Variants in MYO3A observed in about 807,000 individuals in gnomAD.
MYO3A encodes the protein myosin-IIIa.
In MYO3A, 180 loss-of-function variants were observed where a neutral mutation model predicts 192.7. The ratio of observed to expected loss-of-function variants is 0.93; its 90% CI spans 0.83 to 1.06. MYO3A has a LOEUF of 1.06. Among genes scored for constraint, MYO3A ranks in the 50% least tolerant of loss-of-function variants. MYO3A has a pLI of 0.00. For synonymous variants in MYO3A, 628 were observed against 645.3 expected, an observed-to-expected ratio of 0.97 and a Z score of 0.41; for missense variants, 1,896 against 1,905.0, an observed-to-expected ratio of 1.00 and a Z score of 0.09.
chr10:26,020,183 C>T (rs1429441572), intron 7 of MYO3A, among the ~76,000 whole-genome samples: 1 of 152,134 alleles, frequency 6.6e-6, no homozygotes, highest in Non-Finnish European at 1.5e-5. Flanking sequence ...AGAATATTAC[C>T]AATAGCATGC....
At chr10:26,182,961 GGT>G (rs35345606) in intron 31 of MYO3A, among the ~76,000 whole-genome samples, 49,766 of 151,946 alleles carry the variant, frequency 0.33, 8,375 homozygotes, top group Middle Eastern at 0.43. Flanking sequence ...TGACCAGGCA[GGT>G]GTGTGTGTAA....
At chr10:25,969,738 T>C (rs2130720058) in intron 4 of MYO3A, among the ~76,000 whole-genome samples, 1 of 152,276 alleles carries the variant, frequency 6.6e-6, no homozygotes, top group Admixed American at 6.5e-5. Flanking sequence ...ACATTAAGTG[T>C]ATATGATTTA....
chr10:25,985,057 G>C (rs773823851), intron 4 of MYO3A, among the ~76,000 whole-genome samples: 1 of 152,012 alleles, frequency 6.6e-6, no homozygotes, highest in Admixed American at 6.6e-5. Context: ...GGGCAACACA[G>C]TGAAACCACG....
At chr10:25,948,094 A>G (rs1193754027) in intron 2 of MYO3A, among the ~76,000 whole-genome samples, 4 of 152,156 alleles carry the variant, frequency 2.6e-5, no homozygotes, top group Admixed American at 2.0e-4. Flanking sequence ...TGGCTGATGT[A>G]AGACTTGAAG....
At chr10:26,036,985 C>T (rs1244541927) in intron 10 of MYO3A, among the ~76,000 whole-genome samples, 1 of 152,220 alleles carries the variant, frequency 6.6e-6, no homozygotes, top group Non-Finnish European at 1.5e-5. Context: ...CAGTTAGACA[C>T]ACCTGGGATA....
chr10:25,957,903 C>CTGTTCATTT (rs1837660952), intron 4 of MYO3A, among the ~76,000 whole-genome samples: 1 of 152,082 alleles, frequency 6.6e-6, no homozygotes, highest in African/African-American at 2.4e-5. Flanking sequence ...TGAAAAGTAT[C>CTGTTCATTT]TGTTCATTTT....
At chr10:25,993,088 A>G (rs1405277814) in intron 4 of MYO3A, among the ~76,000 whole-genome samples, 1 of 152,186 alleles carries the variant, frequency 6.6e-6, no homozygotes, top group Non-Finnish European at 1.5e-5. Flanking sequence ...GAATGGTACC[A>G]GTTCCTCCTT....
Position 25,991,313 on chromosome 10 carries a change from T to G in MYO3A, c.304-5177T>G, listed in dbSNP as rs1054582300. On this transcript the variant is annotated intron_variant, in intron 4 of 34. Coordinates refer to ENST00000642920, the MANE Select transcript of MYO3A (RefSeq NM_017433.5). ...TCTGTTGGCTGCATAAACGTCTTCTTTTGAGAAATGTCTGTTCATATCCTT... is the reference window on the plus strand; with the variant it reads ...TCTGTTGGCTGCATAAACGTCTTCTGTTGAGAAATGTCTGTTCATATCCTT... Among the ~76,000 whole-genome samples, 23 of 152,350 alleles carry G rather than the reference T, an allele frequency of 1.5e-4. 1 individual carries two copies. The Middle Eastern group carries it at 0.01, about 68-fold the overall frequency.
intron 14 of MYO3A, among the ~76,000 whole-genome samples, chr10:26,071,688 A>G (rs1242637480): frequency 6.6e-6 from 1 of 152,224 alleles, no homozygotes; most frequent in Non-Finnish European, 1.5e-5. Flanking sequence ...TGAAATGACA[A>G]TTTAAAAACA....
At chr10:26,017,658 G>A (rs1842056564) in intron 7 of MYO3A, among the ~76,000 whole-genome samples, 1 of 151,670 alleles carries the variant, frequency 6.6e-6, no homozygotes, top group African/African-American at 2.4e-5. Flanking sequence ...TTGAATACTT[G>A]TTTAATTATT....
At chr10:26,179,212 C>T (rs2132069669) in intron 31 of MYO3A, among the ~76,000 whole-genome samples, 1 of 146,630 alleles carries the variant, frequency 6.8e-6, no homozygotes, top group African/African-American at 2.5e-5. Flanking sequence ...GATTCTCCTG[C>T]CTCAGCCTCC....
intron 30 of MYO3A, among the ~76,000 whole-genome samples, chr10:26,175,469 C>T (rs559339848): frequency 6.6e-6 from 1 of 152,290 alleles, no homozygotes; most frequent in South Asian, 2.1e-4. Context: ...AAAGAAATAT[C>T]ATAATGGGTT....
At chr10:26,001,413 T>A (rs905003649) in intron 6 of MYO3A, among the ~76,000 whole-genome samples, 1 of 152,150 alleles carries the variant, frequency 6.6e-6, no homozygotes, top group African/African-American at 2.4e-5. Flanking sequence ...ACTGGGCAGA[T>A]CCCCTGGGCC....
chr10:26,107,451 A>C (rs1412931293), intron 17 of MYO3A, among the ~76,000 whole-genome samples: 1 of 149,608 alleles, frequency 6.7e-6, no homozygotes, highest in African/African-American at 2.5e-5. Context: ...ATTGCACTCC[A>C]GCCTGGGCGA....
At chr10:26,159,631 G>A (rs1184966976) in intron 26 of MYO3A, among the ~76,000 whole-genome samples, 1 of 152,030 alleles carries the variant, frequency 6.6e-6, no homozygotes, top group Admixed American at 6.6e-5. Flanking sequence ...CGCCAGCCTC[G>A]GCCTCCCAAA....
At chr10:26,046,076 G>A (rs1843624378) in intron 10 of MYO3A, among the ~76,000 whole-genome samples, 2 of 152,122 alleles carry the variant, frequency 1.3e-5, no homozygotes, top group South Asian at 2.1e-4. Context: ...ACCAGTAAGT[G>A]TAAGCAAGCG....
chr10:26,012,816 A>G (rs920114389), intron 6 of MYO3A, among the ~76,000 whole-genome samples: 2 of 152,070 alleles, frequency 1.3e-5, no homozygotes, highest in Non-Finnish European at 2.9e-5. Context: ...ACAATACAAA[A>G]AAACTGAACA....
At chr10:26,047,589 C>T (rs1233481763) in intron 10 of MYO3A, among the ~76,000 whole-genome samples, 6 of 151,714 alleles carry the variant, frequency 4.0e-5, no homozygotes, top group South Asian at 4.2e-4. Context: ...CTGGCTAACA[C>T]GGTGAAACCC....
chr10:26,074,408 C>G (rs1020158924), intron 14 of MYO3A, among the ~76,000 whole-genome samples: 5 of 151,690 alleles, frequency 3.3e-5, no homozygotes, highest in Non-Finnish European at 5.9e-5. Flanking sequence ...TATTAAAAAC[C>G]CATTCTTTCC....
Sources: gnomAD v4.1 joint callset for allele counts (sites outside exome capture counted in the v4.1 genomes callset) on GRCh38, gnomAD v4.1.1 for gene constraint, MANE v1.5 for transcripts, NCBI Gene and HGNC (gene_info 2026-07-23, HGNC 2026-07-21) for gene names.